HELZ: variants seen among roughly 807,000 people sequenced by gnomAD.
HELZ encodes ATP-dependent RNA helicase with zinc finger domain.
Under a neutral mutation model 218.2 loss-of-function variants are expected in HELZ, and 23 were observed. The ratio of observed to expected loss-of-function variants is 0.11; its 90% CI spans 0.08 to 0.15. The LOEUF is 0.15. Among genes scored for constraint, HELZ ranks in the 10% least tolerant of loss-of-function variants. The pLI is 1.00. For missense variants in HELZ, 1,813 were observed against 2,353.7 expected, an observed-to-expected ratio of 0.77 and a Z score of 4.75; for synonymous variants, 814 against 829.4, an observed-to-expected ratio of 0.98 and a Z score of 0.32.
intron 16 of HELZ, 153 bp from the exon 17 acceptor site, chr17:67,160,515 G>A (rs2038965273): frequency 1.7e-6 from 1 of 575,928 alleles, no homozygotes; most frequent in Non-Finnish European, 3.0e-6. Flanking sequence ...GATACCTTTA[G>A]GAAATTACAC....
chr17:67,207,785 G>C (rs1467490352), intron 5 of HELZ, among the ~76,000 whole-genome samples: 1 of 152,100 alleles, frequency 6.6e-6, no homozygotes, highest in East Asian at 1.9e-4. Context: ...GAGGCAGGTG[G>C]ATCACCTGAG....
At chr17:67,199,574 T>C (rs1212290538) in intron 7 of HELZ, among the ~76,000 whole-genome samples, 2 of 152,140 alleles carry the variant, frequency 1.3e-5, no homozygotes, top group Non-Finnish European at 2.9e-5. Context: ...CTAATACCTA[T>C]ATATACACAT....
At chr17:67,137,069 C>T (rs2038176597) in intron 22 of HELZ, among the ~76,000 whole-genome samples, 1 of 152,124 alleles carries the variant, frequency 6.6e-6, no homozygotes, top group Non-Finnish European at 1.5e-5. Context: ...GTCATCCAGT[C>T]TCTGGCCAAC....
At chr17:67,163,553 C>T (rs1461385333) in intron 15 of HELZ, among the ~76,000 whole-genome samples, 2 of 151,452 alleles carry the variant, frequency 1.3e-5, no homozygotes, top group African/African-American at 4.9e-5. Context: ...TGCCCACCAC[C>T]ACGCTCGGCT....
intron 5 of HELZ, among the ~76,000 whole-genome samples, chr17:67,211,877 G>GAAGGGAAGGGGGAAGGT (rs1448717358): frequency 1.1e-4 from 16 of 151,858 alleles, no homozygotes; most frequent in Non-Finnish European, 2.2e-4. Flanking sequence ...AAGAAAAGGG[G>GAAGGGAAGGGGGAAGGT]AAGGGAAGGG....
intron 31 of HELZ, among the ~76,000 whole-genome samples, chr17:67,090,762 CT>C (rs2036552215): frequency 6.6e-6 from 1 of 152,092 alleles, no homozygotes; most frequent in Non-Finnish European, 1.5e-5. Flanking sequence ...TTTGTATCCT[CT>C]TTTTGTCTTT....
intron 9 of HELZ, among the ~76,000 whole-genome samples, chr17:67,192,520 C>CT (rs1477521711): frequency 6.6e-6 from 1 of 152,096 alleles, no homozygotes; most frequent in Non-Finnish European, 1.5e-5. Flanking sequence ...TGGGCCAAAT[C>CT]TTTGTCTTTC....
chr17:67,198,756 G>C (rs1358848946), intron 7 of HELZ, among the ~76,000 whole-genome samples: 1 of 152,070 alleles, frequency 6.6e-6, no homozygotes, highest in Non-Finnish European at 1.5e-5. Context: ...ACAAATTGTT[G>C]CCATTTTTAA....
intron 32 of HELZ, 74 bp from the exon 33 acceptor site, chr17:67,078,660 G>A: frequency 9.3e-7 from 1 of 1,077,080 alleles, no homozygotes; most frequent in Non-Finnish European, 1.3e-6. Flanking sequence ...CACTCAGTGT[G>A]TCAGAACTGG....
chr17:67,138,466 C>A (rs556312375), intron 21 of HELZ, among the ~76,000 whole-genome samples: 2 of 152,148 alleles, frequency 1.3e-5, no homozygotes, highest in African/African-American at 4.8e-5. Flanking sequence ...GTTCTCACAG[C>A]CCCAGTAATT....
intron 13 of HELZ, among the ~76,000 whole-genome samples, chr17:67,170,745 T>C (rs1194802446): frequency 6.7e-5 from 10 of 149,658 alleles, no homozygotes; most frequent in African/African-American, 2.5e-4. Context: ...GAGAATCACT[T>C]AAACCCAGGA....
intron 17 of HELZ, among the ~76,000 whole-genome samples, chr17:67,156,906 G>C (rs2038859549): frequency 1.3e-5 from 2 of 152,172 alleles, no homozygotes; most frequent in Non-Finnish European, 2.9e-5. Context: ...GTTGGAGGTA[G>C]GGCCCAGTGG....
intron 31 of HELZ, among the ~76,000 whole-genome samples, chr17:67,092,232 C>A (rs2036593377): frequency 6.6e-6 from 1 of 152,044 alleles, no homozygotes; most frequent in Non-Finnish European, 1.5e-5. Context: ...AGATATACAA[C>A]AATCAAGACC....
chr17:67,106,896 A>G (rs542869676), intron 31 of HELZ, among the ~76,000 whole-genome samples: 1 of 152,352 alleles, frequency 6.6e-6, no homozygotes, highest in South Asian at 2.1e-4. Flanking sequence ...TTAAAAAAAG[A>G]CAAAGCTCCT....
intron 3 of HELZ, chr17:67,224,441 C>CT: frequency 4.4e-6 from 1 of 225,198 alleles, no homozygotes; most frequent in South Asian, 6.2e-5. Flanking sequence ...AGCCAAGAAA[C>CT]TTTTTTCCAG....
At chr17:67,150,957 T>C (rs1598327106) in intron 18 of HELZ, 89 bp downstream of exon 18, 2 of 1,058,468 alleles carry the variant, frequency 1.9e-6, no homozygotes, top group East Asian at 4.8e-5. Context: ...GTGAGCCAGA[T>C]TTGGCCCACA....
intron 5 of HELZ, among the ~76,000 whole-genome samples, chr17:67,205,984 T>C (rs968129189): frequency 1.3e-5 from 2 of 152,216 alleles, no homozygotes; most frequent in African/African-American, 4.8e-5. Flanking sequence ...AAACCTCTCC[T>C]GCTACTGTAT....
intron 21 of HELZ, among the ~76,000 whole-genome samples, chr17:67,141,701 C>A (rs535906714): frequency 1.3e-5 from 2 of 151,760 alleles, no homozygotes; most frequent in South Asian, 2.1e-4. Context: ...ATATTGTAAG[C>A]CCTAAAGAAA....
chr17:67,196,980 T>G (rs1222157260), intron 7 of HELZ, among the ~76,000 whole-genome samples: 3 of 152,142 alleles, frequency 2.0e-5, no homozygotes, highest in Non-Finnish European at 2.9e-5. Context: ...CTTGTCTCAT[T>G]TATCCCTGAA....
Sources: gnomAD v4.1 joint callset for allele counts (sites outside exome capture counted in the v4.1 genomes callset) on GRCh38, gnomAD v4.1.1 for gene constraint, MANE v1.5 for transcripts, NCBI Gene and HGNC (gene_info 2026-07-23, HGNC 2026-07-21) for gene names.